Variants in NCKAP5 observed in about 807,000 individuals in gnomAD.
NCKAP5 encodes NCK associated protein 5, also known as nck-associated protein 5.
Under a neutral mutation model 167.0 loss-of-function variants are expected in NCKAP5, and 92 were observed. The observed-to-expected ratio is 0.55, with a 90% CI of 0.47 to 0.66. NCKAP5 has a LOEUF of 0.66. Ranked by LOEUF, NCKAP5 falls within the 30% of genes least tolerant of loss-of-function variation. The pLI is 0.00. For missense variants in NCKAP5, 2,378 were observed against 2,315.0 expected, an observed-to-expected ratio of 1.03 and a Z score of -0.56; for synonymous variants, 891 against 877.4, an observed-to-expected ratio of 1.02 and a Z score of -0.27.
At chr2:132,978,940 C>A (rs1221389209) in intron 7 of NCKAP5, among the ~76,000 whole-genome samples, 7 of 152,196 alleles carry the variant, frequency 4.6e-5, no homozygotes, top group African/African-American at 1.7e-4. Flanking sequence ...TTATGCCAGA[C>A]ACTGATGGGA....
chr2:133,345,555 A>G (rs1683914618), intron 3 of NCKAP5, among the ~76,000 whole-genome samples: 1 of 152,156 alleles, frequency 6.6e-6, no homozygotes, highest in African/African-American at 2.4e-5. Context: ...GCCCATCCCA[A>G]TGATTCTAGT....
intron 6 of NCKAP5, among the ~76,000 whole-genome samples, chr2:133,062,358 G>A (rs562307861): frequency 1.3e-5 from 2 of 152,288 alleles, no homozygotes; most frequent in South Asian, 4.1e-4. Context: ...ACACTCTTTG[G>A]CGACATATGG....
intron 3 of NCKAP5, among the ~76,000 whole-genome samples, chr2:133,308,241 AC>A (rs1383751573): frequency 6.6e-6 from 1 of 151,366 alleles, no homozygotes; most frequent in Non-Finnish European, 1.5e-5. Context: ...GGCGCCCGCC[AC>A]CACGCCCGGC....
At chr2:133,357,961 T>C (rs1328846142) in intron 3 of NCKAP5, among the ~76,000 whole-genome samples, 1 of 152,136 alleles carries the variant, frequency 6.6e-6, no homozygotes, top group African/African-American at 2.4e-5. Flanking sequence ...GCTGAATACG[T>C]TGCATTAATT....
At chr2:132,723,662 C>T (rs1384190489) in intron 19 of NCKAP5, among the ~76,000 whole-genome samples, 1 of 152,194 alleles carries the variant, frequency 6.6e-6, no homozygotes, top group Admixed American at 6.5e-5. Context: ...CTTGCACTGG[C>T]TGCGTTTCAG....
chr2:133,178,970 A>G (rs1230953338), intron 5 of NCKAP5, among the ~76,000 whole-genome samples: 1 of 152,040 alleles, frequency 6.6e-6, no homozygotes, highest in Non-Finnish European at 1.5e-5. Context: ...ATTCAAAACC[A>G]GCCTGCGTAA....
intron 4 of NCKAP5, among the ~76,000 whole-genome samples, chr2:133,275,237 T>C (rs1390307765): frequency 6.6e-6 from 1 of 152,096 alleles, no homozygotes; most frequent in Admixed American, 6.6e-5. Context: ...AATTCCAAAA[T>C]ATAATTCTTA....
At chr2:133,237,241 T>G (rs767823506) in intron 4 of NCKAP5, among the ~76,000 whole-genome samples, 16 of 152,188 alleles carry the variant, frequency 1.1e-4, no homozygotes, top group Non-Finnish European at 1.9e-4. Context: ...AGAGATAGAT[T>G]TTTTAATTTT....
chr2:133,254,391 G>T (rs1356903741), intron 4 of NCKAP5, among the ~76,000 whole-genome samples: 1 of 152,016 alleles, frequency 6.6e-6, no homozygotes, highest in African/African-American at 2.4e-5. Context: ...TCAGACATGG[G>T]AGTGACCCAT....
At chr2:133,021,266 G>A (rs2078517620) in intron 6 of NCKAP5, among the ~76,000 whole-genome samples, 1 of 152,176 alleles carries the variant, frequency 6.6e-6, no homozygotes, top group South Asian at 2.1e-4. Context: ...AGAGAGCTGG[G>A]TCCCCCAGGA....
At chr2:133,362,079 G>A (rs1170496254) in intron 3 of NCKAP5, among the ~76,000 whole-genome samples, 1 of 152,114 alleles carries the variant, frequency 6.6e-6, no homozygotes, top group East Asian at 1.9e-4. Context: ...ACATCTATAG[G>A]GAGTGTTAGG....
chr2:132,719,782 C>T (rs6714305), intron 19 of NCKAP5, among the ~76,000 whole-genome samples: 4 of 151,982 alleles, frequency 2.6e-5, no homozygotes, highest in South Asian at 4.1e-4. Context: ...ACGATGAGAG[C>T]GGGAGAGTCC....
rs145851715 is a variant in NCKAP5, at chr2:132,898,457, C to G, written c.580-19541G>C. On this transcript the variant is annotated intron_variant, in intron 8 of 19. Coordinates refer to ENST00000409261, the MANE Select transcript of NCKAP5 (RefSeq NM_207363.3). ...CCTTTTCCCATGAATCACAAATGTT[C>G]TTAATGGCATCTAGAATTGTGATCC... Among the ~76,000 whole-genome samples, 25 of 152,318 alleles carry G rather than the reference C, an allele frequency of 1.6e-4. 1 individual carries two copies. The highest frequency in any genetic ancestry group is 6.0e-4 in the African/African-American group (25 of 41,558).
At chr2:133,356,554 C>G (rs62180017) in intron 3 of NCKAP5, among the ~76,000 whole-genome samples, 1 of 151,998 alleles carries the variant, frequency 6.6e-6, no homozygotes, top group Non-Finnish European at 1.5e-5. Flanking sequence ...ATCTACTTCC[C>G]TAGAGTTAAA....
At chr2:132,948,839 T>G (rs2076081931) in intron 8 of NCKAP5, among the ~76,000 whole-genome samples, 1 of 152,100 alleles carries the variant, frequency 6.6e-6, no homozygotes, top group Non-Finnish European at 1.5e-5. Flanking sequence ...TGGACACAAG[T>G]AAATCAGGTC....
At chr2:133,518,736 A>G (rs991765032) in intron 2 of NCKAP5, among the ~76,000 whole-genome samples, 1 of 152,126 alleles carries the variant, frequency 6.6e-6, no homozygotes, top group Admixed American at 6.5e-5. Flanking sequence ...CTCAACTACA[A>G]AACATGATGA....
chr2:133,671,767 G>A, the NCKAP5 span, among the ~76,000 whole-genome samples: 1 of 150,552 alleles, frequency 6.6e-6, no homozygotes, highest in Non-Finnish European at 1.5e-5. Context: ...ACAACAAAAT[G>A]GACTGAGACT....
At chr2:132,890,232 C>G (rs1255020320) in intron 8 of NCKAP5, among the ~76,000 whole-genome samples, 1 of 152,166 alleles carries the variant, frequency 6.6e-6, no homozygotes, top group African/African-American at 2.4e-5. Context: ...AAATGTGCTG[C>G]TTTATGATGG....
intron 4 of NCKAP5, among the ~76,000 whole-genome samples, chr2:133,302,713 A>G (rs1680471545): frequency 6.8e-6 from 1 of 147,108 alleles, no homozygotes; most frequent in Non-Finnish European, 1.5e-5. Context: ...GCGCACCAGC[A>G]TGGCACATGT....
Sources: gnomAD v4.1 joint callset for allele counts (sites outside exome capture counted in the v4.1 genomes callset) on GRCh38, gnomAD v4.1.1 for gene constraint, MANE v1.5 for transcripts, NCBI Gene and HGNC (gene_info 2026-07-23, HGNC 2026-07-21) for gene names.